HCRTR2: variants seen among roughly 807,000 people sequenced by gnomAD.
HCRTR2 encodes the protein hypocretin receptor 2.
HCRTR2 carries 22 observed loss-of-function variants against 49.0 expected under a neutral mutation model. The ratio of observed to expected loss-of-function variants is 0.45; its 90% CI spans 0.32 to 0.64. The LOEUF (loss-of-function observed/expected upper bound fraction) is 0.64, where lower values mean the gene tolerates loss of function less well. Among genes scored for constraint, HCRTR2 ranks in the 30% least tolerant of loss-of-function variants. The probability of loss-of-function intolerance (pLI) is 0.04; values close to 1 mark genes in which losing one functional copy is unlikely to be tolerated. For missense variants in HCRTR2, 491 were observed against 559.4 expected (o/e 0.88, Z 1.23); for synonymous variants, 236 against 205.3 (o/e 1.15, Z -1.28).
chr6:55,247,431 G>A (rs1766467386), intron 1 of HCRTR2, among the ~76,000 whole-genome samples: 1 of 152,058 alleles, frequency 6.6e-6, no homozygotes, highest in Non-Finnish European at 1.5e-5. Context: ...TTACATAATT[G>A]TCCAAAGAAA....
chr6:55,218,974 A>G (rs1195791797), intron 1 of HCRTR2, among the ~76,000 whole-genome samples: 6 of 152,088 alleles, frequency 3.9e-5, no homozygotes, highest in South Asian at 2.1e-4. Flanking sequence ...CAGACATGCA[A>G]CACCATACCC....
rs1452177044 is a variant in HCRTR2 at position 55,262,643 on chromosome 6, AATAT to A, written c.647-1060_647-1057del. Among the ~76,000 whole-genome samples the A allele has an allele frequency of 2.9e-5, 4 of 139,180 alleles. No individual in the cohort carries two copies. The South Asian group carries it at 8.6e-4, about 30-fold the overall frequency. The allele number at this position is 139,180 out of a possible 152,430, so 91.3% of individuals were successfully genotyped here. On this transcript the variant is annotated intron_variant, in intron 3 of 6. Coordinates refer to ENST00000370862, the MANE Select transcript of HCRTR2 (RefSeq NM_001384272.1). ...TTAATATACAATATATAAATTTATA[AATAT>A]ATAATGATTATATATTATATAATAT...
At chr6:55,264,020 T>C in intron 4 of HCRTR2, 198 bp downstream of exon 4, 1 of 553,538 alleles carries the variant, frequency 1.8e-6, no homozygotes, top group Non-Finnish European at 3.2e-6. Flanking sequence ...AACCCAGACA[T>C]AGAAATATGT....
At chr6:55,136,414 TTGTC>T (rs1045945639) in intron 1 of HCRTR2, among the ~76,000 whole-genome samples, 98 of 152,244 alleles carry the variant, frequency 6.4e-4, no homozygotes, top group African/African-American at 2.3e-3. Context: ...TTTATTTACT[TTGTC>T]TGTGGAGTAG....
intron 2 of HCRTR2, among the ~76,000 whole-genome samples, chr6:55,254,746 T>C (rs779722178): frequency 6.6e-6 from 1 of 151,730 alleles, no homozygotes; most frequent in Non-Finnish European, 1.5e-5. Flanking sequence ...GCTTTTCCAG[T>C]TTGGACTAAA....
chr6:55,235,215 G>T (rs1306212216), intron 1 of HCRTR2, among the ~76,000 whole-genome samples: 8 of 151,982 alleles, frequency 5.3e-5, no homozygotes, highest in Admixed American at 4.6e-4. Context: ...AGAGCTTCTG[G>T]GGTGCCGGTC....
At chr6:55,156,489 G>C (rs191025466) in intron 1 of HCRTR2, among the ~76,000 whole-genome samples, 6 of 151,892 alleles carry the variant, frequency 4.0e-5, no homozygotes, top group African/African-American at 7.2e-5. Flanking sequence ...ATTAAAACTA[G>C]AGTTTCTTTA....
intron 1 of HCRTR2, among the ~76,000 whole-genome samples, chr6:55,247,500 A>T (rs1481879183): frequency 6.6e-6 from 1 of 152,144 alleles, no homozygotes; most frequent in Non-Finnish European, 1.5e-5. Flanking sequence ...CTATGTAAAG[A>T]TACTAATCCC....
At chr6:55,129,057 G>A (rs556194220) in intron 1 of HCRTR2, among the ~76,000 whole-genome samples, 14 of 152,032 alleles carry the variant, frequency 9.2e-5, no homozygotes, top group East Asian at 3.9e-4. Flanking sequence ...TATTTTGGTC[G>A]TCTCTTTGTC....
chr6:55,156,161 TGG>T (rs1250029493), intron 1 of HCRTR2, among the ~76,000 whole-genome samples: 1 of 151,754 alleles, frequency 6.6e-6, no homozygotes, highest in Non-Finnish European at 1.5e-5. Flanking sequence ...TTAATATTAT[TGG>T]AACATGAATG....
intron 1 of HCRTR2, among the ~76,000 whole-genome samples, chr6:55,178,960 A>G (rs1765086488): frequency 6.6e-6 from 1 of 152,226 alleles, no homozygotes. Flanking sequence ...CATTGGTAAT[A>G]TGTTGATTTA....
intron 1 of HCRTR2, among the ~76,000 whole-genome samples, chr6:55,200,187 G>GT (rs557148444): frequency 8.8e-4 from 117 of 133,274 alleles, no homozygotes; most frequent in South Asian, 5.2e-3. Context: ...TTAAAATGTC[G>GT]TTTTTTTTTC....
At chr6:55,255,098 T>C (rs369566473) in intron 2 of HCRTR2, 38 bp from the exon 3 acceptor site, 2 of 1,611,224 alleles carry the variant, frequency 1.2e-6, no homozygotes, top group South Asian at 1.1e-5. Flanking sequence ...TTTTAACAGC[T>C]GGTGCTTCTC....
At chr6:55,189,153 G>A (rs1054969987) in intron 1 of HCRTR2, among the ~76,000 whole-genome samples, 1 of 152,098 alleles carries the variant, frequency 6.6e-6, no homozygotes, top group East Asian at 1.9e-4. Flanking sequence ...GCCCAGTCTT[G>A]TCTGTAGTGT....
chr6:55,106,840 GCCT>G (rs1763981795), intron 1 of HCRTR2, among the ~76,000 whole-genome samples: 1 of 152,068 alleles, frequency 6.6e-6, no homozygotes, highest in East Asian at 1.9e-4. Context: ...TTTTGCACAT[GCCT>G]ACATGCCCCT....
chr6:55,173,235 G>C (rs967179872), upstream of HCRTR2, among the ~76,000 whole-genome samples: 1 of 152,174 alleles, frequency 6.6e-6, no homozygotes, highest in Admixed American at 6.5e-5. Flanking sequence ...ATCGTGGCTT[G>C]AGACCTTGGT....
intron 1 of HCRTR2, among the ~76,000 whole-genome samples, chr6:55,145,795 C>T (rs1029837132): frequency 6.6e-6 from 1 of 151,998 alleles, no homozygotes; most frequent in Admixed American, 6.6e-5. Flanking sequence ...ACCATATTCT[C>T]TCCCCTGTAT....
chr6:55,232,001 T>C (rs1766123968), intron 1 of HCRTR2, among the ~76,000 whole-genome samples: 2 of 152,176 alleles, frequency 1.3e-5, no homozygotes, highest in Admixed American at 1.3e-4. Flanking sequence ...CATCATCTTC[T>C]ACAGAACAGA....
intron 1 of HCRTR2, among the ~76,000 whole-genome samples, chr6:55,242,794 A>C (rs17682926): frequency 0.021 from 3,236 of 152,348 alleles, 66 homozygotes; most frequent in Middle Eastern, 0.075. Flanking sequence ...GCTCATATAC[A>C]ATCTGTAAGA....
Sources: allele counts gnomAD v4.1 joint callset (sites outside exome capture counted in the v4.1 genomes callset), GRCh38; gene constraint gnomAD v4.1.1; transcripts MANE v1.5; gene names NCBI Gene and HGNC (gene_info 2026-07-23, HGNC 2026-07-21).